HTR4: variants seen among roughly 807,000 people sequenced by gnomAD.
The protein encoded by HTR4 is 5-hydroxytryptamine receptor 4.
A neutral mutation model predicts 36.8 loss-of-function variants in HTR4; 16 were observed. The observed-to-expected ratio is 0.43, with a 90% CI of 0.29 to 0.66. The LOEUF (loss-of-function observed/expected upper bound fraction) is 0.66. HTR4 is among the 30% of genes least tolerant of loss of function. HTR4 has a pLI of 0.13. For missense variants in HTR4, 438 were observed against 490.9 expected (o/e 0.89, Z 1.02); for synonymous variants, 189 against 185.1 (o/e 1.02, Z -0.17).
At chr5:148,634,166 C>A (rs137919004) in intron 2 of HTR4, among the ~76,000 whole-genome samples, 103 of 152,210 alleles carry the variant, frequency 6.8e-4, no homozygotes, top group African/African-American at 2.4e-3. Context: ...TTGACTGGAG[C>A]CCCTCAATTC....
chr5:148,480,973 C>T (rs1318011787), downstream of HTR4, among the ~76,000 whole-genome samples: 1 of 152,218 alleles, frequency 6.6e-6, no homozygotes, highest in Non-Finnish European at 1.5e-5. Flanking sequence ...AAGAGAGATT[C>T]TCTCTGAGGT....
At chr5:148,615,691 ATAAAG>A (rs1354385433) in intron 2 of HTR4, among the ~76,000 whole-genome samples, 1 of 146,906 alleles carries the variant, frequency 6.8e-6, no homozygotes, top group African/African-American at 2.6e-5. Context: ...AATTAAAAAA[ATAAAG>A]AAAGAAAGAA....
chr5:148,644,340 T>C (rs796103864), intron 1 of HTR4, among the ~76,000 whole-genome samples: 5 of 150,966 alleles, frequency 3.3e-5, no homozygotes, highest in African/African-American at 1.2e-4. Flanking sequence ...AGGATTCAAA[T>C]AGGTGCTAGT....
chr5:148,584,327 G>C (rs1319188639), intron 2 of HTR4, among the ~76,000 whole-genome samples: 1 of 152,120 alleles, frequency 6.6e-6, no homozygotes, highest in Non-Finnish European at 1.5e-5. Context: ...GCCAGGACTA[G>C]ACAGATGGAC....
At chr5:148,573,207 A>G (rs1760749018) in intron 2 of HTR4, among the ~76,000 whole-genome samples, 1 of 152,074 alleles carries the variant, frequency 6.6e-6, no homozygotes, top group Non-Finnish European at 1.5e-5. Flanking sequence ...TCATACTACA[A>G]CTACAATTCA....
At chr5:148,469,353 G>C (rs1257045028) in intron 5 of HTR4, among the ~76,000 whole-genome samples, 1 of 152,112 alleles carries the variant, frequency 6.6e-6, no homozygotes, top group Non-Finnish European at 1.5e-5. Flanking sequence ...TCTTAACTTT[G>C]TTTAAACATC....
chr5:148,638,440 T>G (rs1753621354), intron 1 of HTR4, among the ~76,000 whole-genome samples: 1 of 152,152 alleles, frequency 6.6e-6, no homozygotes, highest in South Asian at 2.1e-4. Flanking sequence ...TATCTAAAAT[T>G]TTTCCTGAGA....
chr5:148,488,455 T>TA (rs1174002841), intron 6 of HTR4, among the ~76,000 whole-genome samples: 67 of 152,226 alleles, frequency 4.4e-4, no homozygotes, highest in Admixed American at 3.9e-4. Flanking sequence ...GCATTTGTAT[T>TA]AAAAATCATC....
chr5:148,494,579 G>A (rs1756601538), intron 6 of HTR4, among the ~76,000 whole-genome samples: 1 of 152,172 alleles, frequency 6.6e-6, no homozygotes, highest in Non-Finnish European at 1.5e-5. Flanking sequence ...TTAAAGATTT[G>A]TATAGCACAT....
At chr5:148,623,620 A>G (rs1312527345) in intron 2 of HTR4, among the ~76,000 whole-genome samples, 1 of 152,118 alleles carries the variant, frequency 6.6e-6, no homozygotes, top group Non-Finnish European at 1.5e-5. Flanking sequence ...TTAACCAATT[A>G]TCTGGACATA....
intron 6 of HTR4, among the ~76,000 whole-genome samples, chr5:148,495,713 A>T (rs765561517): frequency 5.9e-5 from 9 of 152,228 alleles, no homozygotes; most frequent in Non-Finnish European, 1.0e-4. Flanking sequence ...AAGTGGGGAG[A>T]GAGGCTTAAA....
At chr5:148,546,326 C>A (rs1022580069) in intron 4 of HTR4, among the ~76,000 whole-genome samples, 1 of 152,180 alleles carries the variant, frequency 6.6e-6, no homozygotes, top group Non-Finnish European at 1.5e-5. Context: ...TAGGTGCTAT[C>A]TCCCTAAGTT....
At chr5:148,631,341 T>C (rs1753313545) in intron 2 of HTR4, among the ~76,000 whole-genome samples, 1 of 152,134 alleles carries the variant, frequency 6.6e-6, no homozygotes, top group South Asian at 2.1e-4. Flanking sequence ...TTTCTCCTTA[T>C]ATGCTAACGA....
chr5:148,638,122 TG>T (rs570231980), intron 1 of HTR4, among the ~76,000 whole-genome samples: 21 of 152,184 alleles, frequency 1.4e-4, no homozygotes, highest in Non-Finnish European at 2.6e-4. Context: ...CAGATGTGGC[TG>T]GCAGCCACGA....
intron 2 of HTR4, among the ~76,000 whole-genome samples, chr5:148,554,987 C>A (rs929597327): frequency 1.3e-5 from 2 of 151,920 alleles, no homozygotes; most frequent in Admixed American, 6.6e-5. Context: ...ACCTCATTCT[C>A]TTTTGGGGCT....
At chr5:148,511,619 T>TTGTG (rs529668445) in intron 5 of HTR4, among the ~76,000 whole-genome samples, 7,892 of 139,204 alleles carry the variant, frequency 0.057, 333 homozygotes, top group African/African-American at 0.12. Context: ...TTGTGGAAGT[T>TTGTG]TGTGTGTGTG....
At chr5:148,564,405 T>C (rs1284774826) in intron 2 of HTR4, among the ~76,000 whole-genome samples, 1 of 152,202 alleles carries the variant, frequency 6.6e-6, no homozygotes, top group African/African-American at 2.4e-5. Flanking sequence ...TCACCCTATA[T>C]TTAATTGTTA....
chr5:148,491,653 G>A (rs750916904), intron 6 of HTR4, among the ~76,000 whole-genome samples: 2 of 152,102 alleles, frequency 1.3e-5, no homozygotes, highest in East Asian at 3.9e-4. Context: ...ATTGCCAAAT[G>A]TTCTCTGGTA....
chr5:148,647,619 C>T (rs1368609916), intron 1 of HTR4, among the ~76,000 whole-genome samples: 2 of 152,176 alleles, frequency 1.3e-5, no homozygotes, highest in East Asian at 3.9e-4. Flanking sequence ...GAGGCCGAGA[C>T]TGGCAGATCA....
Sources: gnomAD v4.1 joint callset for allele counts (sites outside exome capture counted in the v4.1 genomes callset) on GRCh38, gnomAD v4.1.1 for gene constraint, MANE v1.5 for transcripts, NCBI Gene and HGNC (gene_info 2026-07-23, HGNC 2026-07-21) for gene names.